GARRE1: variants seen among roughly 807,000 people sequenced by gnomAD.
The protein encoded by GARRE1 is granule associated Rac and RHOG effector protein 1.
Under a neutral mutation model 103.2 loss-of-function variants are expected in GARRE1, and 49 were observed. The ratio of observed to expected loss-of-function variants is 0.47; its 90% CI spans 0.38 to 0.60. The LOEUF (loss-of-function observed/expected upper bound fraction) is 0.60. Ranked by LOEUF, GARRE1 falls within the 20% of genes least tolerant of loss-of-function variation. The pLI, the probability that GARRE1 is intolerant of heterozygous loss-of-function variation, is 0.00. For missense variants in GARRE1, 1,199 were observed against 1,370.5 expected, an observed-to-expected ratio of 0.87 and a Z score of 1.98; for synonymous variants, 505 against 532.8, an observed-to-expected ratio of 0.95 and a Z score of 0.72.
At chr19:34,325,868 G>C (rs2074109333) in intron 3 of GARRE1, among the ~76,000 whole-genome samples, 1 of 151,960 alleles carries the variant, frequency 6.6e-6, no homozygotes, top group Admixed American at 6.6e-5. Flanking sequence ...TGTAGGTCTT[G>C]ACACCCCCCA....
chr19:34,344,156 C>T (rs980308149), intron 10 of GARRE1, among the ~76,000 whole-genome samples: 1 of 152,170 alleles, frequency 6.6e-6, no homozygotes, highest in Admixed American at 6.5e-5. Context: ...AATTTGGTAA[C>T]ATAGGTACAT....
chr19:34,295,827 A>T lies in GARRE1; in HGVS notation c.-795-3852A>T, dbSNP rs553443407. ...ATTACAGGCTTGAGCCACTACACCC[A>T]GCCTAATTTTTGTATATGATGTGAG... On this transcript the variant is annotated intron_variant, in intron 1 of 13. Transcript: ENST00000299505. Among the ~76,000 whole-genome samples, 3 of 152,202 alleles carry T rather than the reference A, an allele frequency of 2.0e-5. No homozygotes were observed. In the East Asian group the frequency reaches 5.8e-4, roughly 29 times the overall value.
At chr19:34,281,465 A>G (rs2073853022) in intron 1 of GARRE1, among the ~76,000 whole-genome samples, 2 of 152,056 alleles carry the variant, frequency 1.3e-5, no homozygotes, top group African/African-American at 2.4e-5. Context: ...TAATTTTTGT[A>G]TTTTTAGTAG....
At chr19:34,256,447 G>A (rs2073673392) in intron 1 of GARRE1, among the ~76,000 whole-genome samples, 1 of 151,424 alleles carries the variant, frequency 6.6e-6, no homozygotes, top group Non-Finnish European at 1.5e-5. Flanking sequence ...TTGAGCCCAG[G>A]AGGCGAAGGT....
chr19:34,348,009 G>T lies in GARRE1; in HGVS notation c.2654G>T (p.Arg885Leu). 1 of 1,524,970 alleles carries T rather than the reference G, an allele frequency of 6.6e-7. No homozygotes were observed. The allele number at this position is 1,524,970 out of a possible 1,614,324, so 94.5% of individuals were successfully genotyped here. Residue 885 changes from arginine (R) to leucine (L), a missense_variant, in exon 11 of 14, where the codon CGG (arginine) becomes CTG (leucine). Coordinates refer to ENST00000299505, the MANE Select transcript of GARRE1 (RefSeq NM_014686.5). The part of the protein sequence containing the change: ...GNWPPMDDAH[R>L]TWPFPEFFTE... ...TGGCCGCCTATGGATGACGCGCATCGGACCTGGCCCTTCCCCGAGTTCTTC... is the reference window on the plus strand; with the variant it reads ...TGGCCGCCTATGGATGACGCGCATCTGACCTGGCCCTTCCCCGAGTTCTTC...
chr19:34,328,461 G>A (rs1351932030), intron 6 of GARRE1, among the ~76,000 whole-genome samples: 3 of 150,914 alleles, frequency 2.0e-5, no homozygotes, highest in Non-Finnish European at 2.9e-5. Flanking sequence ...CCCATGAGGT[G>A]GAGATGGCAG....
intron 1 of GARRE1, among the ~76,000 whole-genome samples, chr19:34,284,354 G>A (rs980144298): frequency 6.6e-6 from 1 of 151,804 alleles, no homozygotes; most frequent in Non-Finnish European, 1.5e-5. Flanking sequence ...CAAACTCCTG[G>A]CCTCAAGTGA....
intron 2 of GARRE1, among the ~76,000 whole-genome samples, chr19:34,302,893 C>T (rs1370131931): frequency 8.6e-5 from 13 of 151,866 alleles, no homozygotes; most frequent in African/African-American, 1.5e-4. Flanking sequence ...TACAGGCTCA[C>T]GCAGCCATAC....
rs753424831 is a variant in GARRE1 at position 34,342,022 on chromosome 19, G to A, written c.2088G>A (p.Val696=). 1.3e-5 allele frequency: 21 copies of A among 1,613,904 alleles called. No homozygotes were observed. In the South Asian group the frequency reaches 2.3e-4, roughly 18 times the overall value. Residue 696 remains valine (V), a synonymous_variant, in exon 10 of 14, where the codon GTG becomes GTA. Coordinates refer to ENST00000299505, the MANE Select transcript of GARRE1 (RefSeq NM_014686.5). The part of the protein sequence containing the change: ...AMQPQQPSLP[V]PPPPRAPQAG... ...AACCACAGCAGCCGTCACTGCCTGT[G>A]CCCCCTCCACCACGGGCACCCCAGG...
At chr19:34,298,438 C>T (rs945670530) in intron 1 of GARRE1, among the ~76,000 whole-genome samples, 2 of 147,912 alleles carry the variant, frequency 1.4e-5, no homozygotes, top group Admixed American at 1.3e-4. Flanking sequence ...GTTGGCCAGG[C>T]GCAGTGGCTC....
At chr19:34,326,813 A>G (rs770389751) in intron 3 of GARRE1, among the ~76,000 whole-genome samples, 1 of 152,048 alleles carries the variant, frequency 6.6e-6, no homozygotes, top group African/African-American at 2.4e-5. Context: ...ACATATATAT[A>G]TAACAAATAA....
chr19:34,293,750 CTTTTTTTTTTT>C (rs71165643), intron 1 of GARRE1, among the ~76,000 whole-genome samples: 9 of 47,180 alleles, frequency 1.9e-4, no homozygotes, highest in South Asian at 7.2e-4. Context: ...ACACATATTT[CTTTTTTTTTTT>C]TTTTTTTTTT....
At chr19:34,263,769 G>A (rs900489184) in intron 1 of GARRE1, among the ~76,000 whole-genome samples, 2 of 152,136 alleles carry the variant, frequency 1.3e-5, no homozygotes, top group Non-Finnish European at 2.9e-5. Context: ...TTACAGGCGC[G>A]AGTCACCGCA....
rs770690002 is a variant in GARRE1, at chr19:34,342,072, C to T, written c.2138C>T (p.Pro713Leu). ...PQAGAHTPLT[P>L]QPGLAPQQQS... The stretch of plus-strand genomic sequence containing the variant: ...GCTGGGGCACACACACCTCTGACAC[C>T]CCAGCCGGGACTGGCACCTCAGCAG... The change falls in exon 10 of 14, where the codon CCC (proline) becomes CTC (leucine). Residue 713 changes from proline (P) to leucine (L), a missense_variant. Transcript: ENST00000299505. 2.5e-6 allele frequency: 4 copies of T among 1,614,142 alleles called. No homozygotes were observed. Among genetic ancestry groups the T allele is most frequent in the Admixed American group, 1.7e-5 (1 of 60,010 alleles).
chr19:34,283,830 C>CTTTTTTTT (rs11335136), intron 1 of GARRE1, among the ~76,000 whole-genome samples: 52 of 117,226 alleles, frequency 4.4e-4, no homozygotes, highest in Non-Finnish European at 6.9e-4. Context: ...TTCTTTCTTT[C>CTTTTTTTT]TTTTTTTTTT....
intron 1 of GARRE1, among the ~76,000 whole-genome samples, chr19:34,261,305 C>T (rs1469428016): frequency 6.6e-6 from 1 of 152,042 alleles, no homozygotes; most frequent in Admixed American, 6.6e-5. Context: ...GCAGTGAGGG[C>T]TCTGAGCGTG....
chr19:34,331,317 G>T (rs1291776128), intron 7 of GARRE1, among the ~76,000 whole-genome samples: 5 of 152,126 alleles, frequency 3.3e-5, no homozygotes, highest in Admixed American at 2.6e-4. Context: ...GCTTCTTCCT[G>T]TCCCAGGCCT....
chr19:34,313,314 G>A (rs1010974612), intron 2 of GARRE1, among the ~76,000 whole-genome samples: 1 of 152,216 alleles, frequency 6.6e-6, no homozygotes, highest in Non-Finnish European at 1.5e-5. Context: ...AGCCGCCCAG[G>A]AGTCTGAAAC....
intron 10 of GARRE1, among the ~76,000 whole-genome samples, chr19:34,344,217 G>A (rs1370576818): frequency 6.6e-6 from 1 of 152,178 alleles, no homozygotes; most frequent in Non-Finnish European, 1.5e-5. Context: ...AGTAGAAAAT[G>A]TATTTCATTC....
Sources: gnomAD v4.1 joint callset for allele counts (sites outside exome capture counted in the v4.1 genomes callset) on GRCh38, gnomAD v4.1.1 for gene constraint, MANE v1.5 for transcripts, NCBI Gene and HGNC (gene_info 2026-07-23, HGNC 2026-07-21) for gene names.